ABL1: variants seen among roughly 807,000 people sequenced by gnomAD.
ABL1 encodes tyrosine-protein kinase ABL1.
In ABL1, 11 loss-of-function variants were observed where a neutral mutation model predicts 94.7. That is an observed-to-expected ratio of 0.12 (90% CI 0.07 to 0.19). The LOEUF (loss-of-function observed/expected upper bound fraction) is 0.19, where lower values mean the gene tolerates loss of function less well. ABL1 is among the 10% of genes least tolerant of loss of function. The pLI, the probability that ABL1 is intolerant of heterozygous loss-of-function variation, is 1.00. For missense variants in ABL1, 1,082 were observed against 1,489.4 expected (o/e 0.73, Z 4.50); for synonymous variants, 656 against 622.4 (o/e 1.05, Z -0.80).
chr9:130,862,978 G>T lies in ABL1; in HGVS notation c.765G>T (p.Glu255Asp). ...AGCTGGGCGGGGGCCAGTACGGGGA[G>T]GTGTACGAGGGCGTGTGGAAGAAAT... ...KHKLGGGQYG[E>D]VYEGVWKKYS... Residue 255 changes from glutamate to aspartate, a missense_variant, in exon 4 of 11, where the codon GAG (glutamate) becomes GAT (aspartate). Around this residue, in one of 7 missense-constraint regions of ABL1, gnomAD observed 92 missense variants for 212.3 expected, o/e 0.43. Transcript: ENST00000318560. This position sits in a 1 kb window ranked among gnomAD's most constrained non-coding sequence, Gnocchi z 5.5. 1 of 1,613,864 alleles carries T rather than the reference G, an allele frequency of 6.2e-7. No individual in the cohort carries two copies. The highest frequency in any genetic ancestry group is 1.1e-5 in the South Asian group (1 of 91,076).
chr9:130,821,276 T>G (rs981174460), intron 1 of ABL1, among the ~76,000 whole-genome samples: 1 of 152,116 alleles, frequency 6.6e-6, no homozygotes, highest in Non-Finnish European at 1.5e-5. Flanking sequence ...AAAGATCCCT[T>G]TTGTCCCTTT....
chr9:130,713,455 G>T (rs1223207939), exon 1 of ABL1, among the ~76,000 whole-genome samples: 1 of 151,872 alleles, frequency 6.6e-6, no homozygotes, highest in African/African-American at 2.4e-5. Flanking sequence ...GGAGTAAGCT[G>T]CCCGTGCCGC....
chr9:130,842,818 T>G lies in ABL1; in HGVS notation c.79+7293T>G, dbSNP rs564420697. 1.8e-4 allele frequency among the ~76,000 whole-genome samples: 27 copies of G among 152,352 alleles called. 1 individual carries two copies. The South Asian group carries it at 5.2e-3, about 29-fold the overall frequency. ...GTATTAGCAGGCTGACTGTGGACAG[T>G]CTGGATCTGCGGCCACTGCAGGGAT... is the stretch of plus-strand genomic sequence containing the variant. On this transcript the variant is annotated intron_variant, in intron 1 of 10. Transcript: ENST00000318560.
chr9:130,730,824 G>A (rs572047875), intron 1 of ABL1, among the ~76,000 whole-genome samples: 66 of 151,798 alleles, frequency 4.3e-4, no homozygotes, highest in African/African-American at 1.2e-3. Flanking sequence ...CACCCACCTC[G>A]GCCTTCCAAA....
At chr9:130,783,424 A>T (rs1359616083) in intron 1 of ABL1, among the ~76,000 whole-genome samples, 1 of 152,228 alleles carries the variant, frequency 6.6e-6, no homozygotes, top group East Asian at 1.9e-4. Context: ...ATGTATTCTG[A>T]TAACGGGGGA....
rs1364924183 is a variant in ABL1, at chr9:130,717,656, G to A, written c.136+3201G>A. Among the ~76,000 whole-genome samples, 5 of 150,016 alleles carry A rather than the reference G, an allele frequency of 3.3e-5. No homozygotes were observed. The East Asian group carries it at 5.9e-4, about 18-fold the overall frequency. ...AATAGAGGGAGACCGTGTCTCTGGG[G>A]GGTAAAAAAAAAAAAAAATACAGTT... is the stretch of plus-strand genomic sequence containing the variant. On this transcript the variant is annotated intron_variant, in intron 1 of 10. Coordinates refer to the ABL1 transcript ENST00000372348.
At chr9:130,793,505 CCT>C (rs1829935217) in intron 1 of ABL1, among the ~76,000 whole-genome samples, 1 of 152,102 alleles carries the variant, frequency 6.6e-6, no homozygotes, top group South Asian at 2.1e-4. Flanking sequence ...TGCTGATTGT[CCT>C]CTCTATGCAT....
In ABL1 at chr9:130,884,545, T is replaced by G; in HGVS notation, c.2255T>G (p.Phe752Cys). 1 of 1,613,058 alleles carries G rather than the reference T, an allele frequency of 6.2e-7. No homozygotes were observed. The highest frequency in any genetic ancestry group is 8.5e-7 in the Non-Finnish European group (1 of 1,179,982). ...GGAAGACAGTTTGACTCGTCCACAT[T>G]TGGAGGGCACAAAAGTGAGAAGCCG... ...STGRQFDSST[F>C]GGHKSEKPAL... Residue 752 changes from phenylalanine (F) to cysteine (C), a missense_variant, in exon 11 of 11, where the codon TTT (phenylalanine) becomes TGT (cysteine). By Grantham distance (205) the Phe-to-Cys change is radical. Transcript: ENST00000318560. This position sits in a 1 kb window ranked among gnomAD's most constrained non-coding sequence, Gnocchi z 5.6.
chr9:130,738,086 T>A (rs1352649743), intron 1 of ABL1, among the ~76,000 whole-genome samples: 1 of 152,046 alleles, frequency 6.6e-6, no homozygotes, highest in African/African-American at 2.4e-5. Context: ...CACCTCCACC[T>A]CCCAAAGTGC....
rs573602038 is a variant in ABL1, at chr9:130,735,961, A to ATATTTTTT, written c.136+21507_136+21508insATTTTTTT. 1.3e-3 allele frequency among the ~76,000 whole-genome samples: 127 copies of ATATTTTTT among 94,828 alleles called. 1 individual carries two copies. Among genetic ancestry groups the ATATTTTTT allele is most frequent in the East Asian group, 2.9e-3 (7 of 2,442 alleles). 62.2% of individuals were successfully genotyped at this position (94,828 alleles called of 152,430 possible). A position where few individuals can be genotyped will look rare whatever the true frequency, so the allele number is the denominator to read the frequency against. On this transcript the variant is annotated intron_variant, in intron 1 of 10. Coordinates refer to the ABL1 transcript ENST00000372348. Reference sequence around the variant, plus strand: ...TATATATATATATATATATATATATATTTTTTTTTTTTAAGACAGGGTCTG... The same window carrying ATATTTTTT: ...TATATATATATATATATATATATATATATTTTTTTTTTTTTTTTTTAAGACAGGGTCTG...
chr9:130,729,061 G>T (rs573649440), intron 1 of ABL1, among the ~76,000 whole-genome samples: 1 of 152,274 alleles, frequency 6.6e-6, no homozygotes, highest in South Asian at 2.1e-4. Context: ...GTTTGACCCT[G>T]CCAGGTTTGG....
Position 130,884,123 on chromosome 9 carries a change from C to T in ABL1, c.1833C>T (p.Ala611=), listed in dbSNP as rs748468624. 1 of 1,613,732 alleles carries T rather than the reference C, an allele frequency of 6.2e-7. No individual in the cohort carries two copies. The highest frequency in any genetic ancestry group is 1.1e-5 in the South Asian group (1 of 91,086). ...SALIKKKKKT[A]PTPPKRSSSF... is the part of the protein sequence containing the mutation. Reference sequence around the variant, plus strand: ...TGATCAAGAAGAAGAAGAAGACAGCCCCAACCCCTCCCAAACGCAGCAGCT... The same window carrying T: ...TGATCAAGAAGAAGAAGAAGACAGCTCCAACCCCTCCCAAACGCAGCAGCT... Residue 611 remains alanine, a synonymous_variant, in exon 11 of 11, where the codon GCC becomes GCT. Transcript: ENST00000318560. The surrounding 1 kb of genome is among the most constrained non-coding windows in gnomAD (Gnocchi z 5.6).
At chr9:130,727,645 A>G (rs1831603485) in intron 1 of ABL1, among the ~76,000 whole-genome samples, 1 of 150,650 alleles carries the variant, frequency 6.6e-6, no homozygotes, top group Admixed American at 6.6e-5. Context: ...GCCTATAGCT[A>G]CTCGGGAGGC....
rs1360781001 is a variant in ABL1 at position 130,714,316 on chromosome 9, CT to C, written c.-1del. The C allele has an allele frequency of 1.9e-6, 3 of 1,596,698 alleles. No individual in the cohort carries two copies. The South Asian group carries it at 3.4e-5, about 18-fold the overall frequency. ...TTCTGGAAAGGGGTACCTATTATTACTTTATGGGGCAGCAGCCTGGAAAAGT... is the reference window on the plus strand; with the variant it reads ...TTCTGGAAAGGGGTACCTATTATTACTTATGGGGCAGCAGCCTGGAAAAGT... On this transcript the variant is annotated 5_prime_UTR_variant, in exon 1 of 11. Transcript: ENST00000372348.
chr9:130,846,914 C>T (rs1830781740), intron 1 of ABL1, among the ~76,000 whole-genome samples: 1 of 152,170 alleles, frequency 6.6e-6, no homozygotes, highest in African/African-American at 2.4e-5. Flanking sequence ...TTTAAAGACC[C>T]AAACCATTTT....
At chr9:130,744,746 A>G (rs1308429128) in intron 1 of ABL1, among the ~76,000 whole-genome samples, 5 of 150,076 alleles carry the variant, frequency 3.3e-5, no homozygotes, top group South Asian at 2.2e-4. Flanking sequence ...AGTTCCAGCT[A>G]CTGGGGAGGC....
intron 1 of ABL1, among the ~76,000 whole-genome samples, chr9:130,845,486 T>A (rs1407136957): frequency 6.6e-6 from 1 of 151,930 alleles, no homozygotes; most frequent in Non-Finnish European, 1.5e-5. Flanking sequence ...GGACTGCAGA[T>A]GTGCACCACC....
intron 1 of ABL1, among the ~76,000 whole-genome samples, chr9:130,846,111 TTG>T (rs567957717): frequency 2.3e-4 from 31 of 137,758 alleles, no homozygotes; most frequent in African/African-American, 6.2e-4. Context: ...GTGTGTGTGC[TTG>T]TGTGTGTGTG....
At chr9:130,838,220 C>T (rs1198384857) in intron 1 of ABL1, among the ~76,000 whole-genome samples, 1 of 152,156 alleles carries the variant, frequency 6.6e-6, no homozygotes, top group Non-Finnish European at 1.5e-5. Flanking sequence ...GGAATTTGAA[C>T]TCATGCTATC....
Sources: gnomAD v4.1 joint callset for allele counts (sites outside exome capture counted in the v4.1 genomes callset) on GRCh38, gnomAD v4.1.1 for gene constraint, gnomAD v4.1.1 regional missense constraint, Gnocchi (gnomAD v3.1) non-coding constraint, MANE v1.5 for transcripts, NCBI Gene and HGNC (gene_info 2026-07-23, HGNC 2026-07-21) for gene names.